The following TRAPPC10 variants were observed in gnomAD, a reference collection of about 807,000 sequenced individuals.
TRAPPC10 encodes TRAPP 130 kDa subunit.
A neutral mutation model predicts 125.5 loss-of-function variants in TRAPPC10; 23 were observed. The ratio of observed to expected loss-of-function variants is 0.18; its 90% CI spans 0.13 to 0.26. The LOEUF (loss-of-function observed/expected upper bound fraction) is 0.26. Ranked by LOEUF, TRAPPC10 falls within the 10% of genes least tolerant of loss-of-function variation. The probability of loss-of-function intolerance (pLI) is 1.00; values close to 1 mark genes in which losing one functional copy is unlikely to be tolerated. For missense variants in TRAPPC10, 1,123 were observed against 1,308.4 expected, an observed-to-expected ratio of 0.86 and a Z score of 2.19; for synonymous variants, 509 against 518.0, an observed-to-expected ratio of 0.98 and a Z score of 0.24.
rs893805928 is a variant in TRAPPC10, at chr21:44,057,790, G to C, written c.679-1313G>C. On this transcript the variant is annotated intron_variant, in intron 5 of 22. Transcript: ENST00000291574. ...CACGGGAAACAGGATACAAAGGAGAGCTCTCAGTTCTCACCTAGTGAGTGG... is the reference window on the plus strand; with the variant it reads ...CACGGGAAACAGGATACAAAGGAGACCTCTCAGTTCTCACCTAGTGAGTGG... Among the ~76,000 whole-genome samples, 5 of 152,202 alleles carry C rather than the reference G, an allele frequency of 3.3e-5. No homozygotes were observed. The South Asian group carries it at 8.3e-4, about 25-fold the overall frequency.
chr21:44,031,482 A>G (rs1353482230), intron 1 of TRAPPC10, among the ~76,000 whole-genome samples: 4 of 152,324 alleles, frequency 2.6e-5, no homozygotes, highest in East Asian at 1.9e-4. Context: ...CGCGTCTGCC[A>G]CTGTCAGCTC....
intron 3 of TRAPPC10, among the ~76,000 whole-genome samples, chr21:44,051,091 A>G (rs1250467332): frequency 6.6e-6 from 1 of 152,110 alleles, no homozygotes; most frequent in African/African-American, 2.4e-5. Flanking sequence ...TTTAGTAGAG[A>G]TGGGGTTTCA....
intron 20 of TRAPPC10, 107 bp downstream of exon 20, chr21:44,094,340 A>G (rs2038784320): frequency 1.8e-6 from 2 of 1,101,290 alleles, no homozygotes; most frequent in Non-Finnish European, 2.6e-6. Context: ...AACATAATGA[A>G]GGAGCAGCTG....
intron 3 of TRAPPC10, among the ~76,000 whole-genome samples, chr21:44,045,879 T>C: frequency 6.6e-6 from 1 of 152,082 alleles, no homozygotes; most frequent in East Asian, 1.9e-4. Flanking sequence ...TTTATATTGG[T>C]TTTTAACAGT....
At chr21:44,012,845 G>A (rs987240649) in intron 1 of TRAPPC10, among the ~76,000 whole-genome samples, 1 of 151,910 alleles carries the variant, frequency 6.6e-6, no homozygotes, top group Non-Finnish European at 1.5e-5. Flanking sequence ...GGCGCGCGCC[G>A]GCGTCGAGGG....
chr21:44,046,263 A>G (rs536547329), intron 3 of TRAPPC10: 38 of 216,036 alleles, frequency 1.8e-4, no homozygotes, highest in Non-Finnish European at 3.7e-4. Context: ...TGTTTTTCAC[A>G]GAGATGCAGT....
chr21:44,022,228 C>T (rs1394027320), intron 1 of TRAPPC10, among the ~76,000 whole-genome samples: 2 of 150,168 alleles, frequency 1.3e-5, no homozygotes, highest in East Asian at 3.9e-4. Flanking sequence ...TCTGCCTCAG[C>T]TTCCCAAGTA....
chr21:44,071,138 GC>G (rs1373335086), intron 7 of TRAPPC10, among the ~76,000 whole-genome samples: 4 of 152,228 alleles, frequency 2.6e-5, no homozygotes, highest in Middle Eastern at 3.2e-3. Flanking sequence ...AGGAGGACAT[GC>G]TGTGTGATTT....
At chr21:44,022,030 T>C (rs2032557511) in intron 1 of TRAPPC10, among the ~76,000 whole-genome samples, 1 of 145,950 alleles carries the variant, frequency 6.9e-6, no homozygotes, top group Non-Finnish European at 1.5e-5. Flanking sequence ...TTTTTTTTTC[T>C]TTTTAAAAAT....
chr21:44,053,127 T>C (rs1049322391), intron 4 of TRAPPC10, among the ~76,000 whole-genome samples: 1 of 152,126 alleles, frequency 6.6e-6, no homozygotes, highest in African/African-American at 2.4e-5. Context: ...ACATGGACCC[T>C]GCCCTGGTCC....
chr21:44,040,707 C>T (rs892243380), intron 3 of TRAPPC10, among the ~76,000 whole-genome samples: 3 of 151,654 alleles, frequency 2.0e-5, no homozygotes, highest in Admixed American at 6.6e-5. Context: ...CTGCAACCTC[C>T]GCCCCTCTAG....
At chr21:44,088,202 A>C in intron 17 of TRAPPC10, 1 of 483,180 alleles carries the variant, frequency 2.1e-6, no homozygotes, top group Non-Finnish European at 3.8e-6. Flanking sequence ...CGGCTTAGGC[A>C]TGAGGGGCGT....
chr21:44,045,707 A>G (rs7282644), intron 3 of TRAPPC10, among the ~76,000 whole-genome samples: 10,039 of 151,976 alleles, frequency 0.066, 716 homozygotes, highest in African/African-American at 0.16. Context: ...GCCCGCCACC[A>G]TGCCCAGCTA....
intron 7 of TRAPPC10, among the ~76,000 whole-genome samples, chr21:44,064,206 T>C (rs958388834): frequency 5.3e-5 from 8 of 152,232 alleles, no homozygotes; most frequent in Non-Finnish European, 8.8e-5. Context: ...ATAAATAGTT[T>C]TGCACATGGC....
At chr21:44,039,156 C>T (rs2034226887) in intron 3 of TRAPPC10, among the ~76,000 whole-genome samples, 1 of 152,220 alleles carries the variant, frequency 6.6e-6, no homozygotes, top group Non-Finnish European at 1.5e-5. Flanking sequence ...CACTGTGAGG[C>T]GATTTAAGTG....
intron 1 of TRAPPC10, among the ~76,000 whole-genome samples, chr21:44,016,852 G>T (rs1163733623): frequency 2.6e-5 from 4 of 152,236 alleles, no homozygotes; most frequent in African/African-American, 9.6e-5. Context: ...TAGAGACGGG[G>T]TTTCACCGTG....
At chr21:44,062,662 C>T (rs1185298378) in intron 6 of TRAPPC10, 15 of 983,636 alleles carry the variant, frequency 1.5e-5, no homozygotes, top group South Asian at 4.7e-5. Context: ...GCTGGGCCAG[C>T]GGGTCCACTC....
At chr21:44,080,543 CTT>C (rs59033671) in intron 13 of TRAPPC10, among the ~76,000 whole-genome samples, 2 of 140,620 alleles carry the variant, frequency 1.4e-5, no homozygotes. Flanking sequence ...TCTTCTTCTT[CTT>C]TTTTTTTTTT....
chr21:44,055,863 C>T lies in TRAPPC10; in HGVS notation c.648C>T (p.Gly216=). 1.2e-6 allele frequency: 2 copies of T among 1,607,900 alleles called. No homozygotes were observed. The highest frequency in any genetic ancestry group is 1.7e-6 in the Non-Finnish European group (2 of 1,175,088). Residue 216 remains glycine (G), a synonymous_variant, in exon 5 of 23, where the codon GGC becomes GGT. Coordinates refer to ENST00000291574, the MANE Select transcript of TRAPPC10 (RefSeq NM_003274.5). ...TGAGGGAGAAGAGGACTGAGCCAGG[C>T]TGGAGCTTTTGTGAATATTTCATGG... ...RTLREKRTEP[G]WSFCEYFMVQ...
Sources: allele counts gnomAD v4.1 joint callset (sites outside exome capture counted in the v4.1 genomes callset), GRCh38; gene constraint gnomAD v4.1.1; transcripts MANE v1.5; gene names NCBI Gene and HGNC (gene_info 2026-07-23, HGNC 2026-07-21).